Variants in JARID2 observed in about 807,000 individuals in gnomAD.
JARID2 encodes jumonji and AT-rich interaction domain containing 2.
Under a neutral mutation model 125.6 loss-of-function variants are expected in JARID2, and 21 were observed. The observed-to-expected ratio is 0.17, with a 90% CI of 0.12 to 0.24. JARID2 has a LOEUF of 0.24. Ranked by LOEUF, JARID2 falls within the 10% of genes least tolerant of loss-of-function variation. The pLI, the probability that JARID2 is intolerant of heterozygous loss-of-function variation, is 1.00. For missense variants in JARID2, 1,303 were observed against 1,639.6 expected (o/e 0.79, Z 3.55); for synonymous variants, 736 against 661.6 (o/e 1.11, Z -1.73).
intron 3 of JARID2, among the ~76,000 whole-genome samples, chr6:15,448,944 C>T (rs1581579568): frequency 6.6e-6 from 1 of 151,696 alleles, no homozygotes; most frequent in Non-Finnish European, 1.5e-5. Flanking sequence ...TGCTTTTTGC[C>T]CCCTTGTTCT....
chr6:15,517,384 G>A (rs185305264), intron 17 of JARID2, 116 bp downstream of exon 17: 121 of 725,438 alleles, frequency 1.7e-4, no homozygotes, highest in Admixed American at 5.2e-4. Context: ...TCAGGGCTCT[G>A]CAGGCCTGAG....
rs373920056 is a variant in JARID2, at chr6:15,482,387, A to G, written c.671-4920A>G. 8.5e-5 allele frequency among the ~76,000 whole-genome samples: 13 copies of G among 152,232 alleles called. No homozygotes were observed. In the East Asian group the frequency reaches 1.2e-3, roughly 14 times the overall value. ...TATTAATATCAGCTTTAATTCTCAT[A>G]TCTACCATATTAGAATTAAAAGTTA... On this transcript the variant is annotated intron_variant, in intron 5 of 17. Transcript: ENST00000341776.
At chr6:15,415,258 C>G (rs950022673) in intron 3 of JARID2, among the ~76,000 whole-genome samples, 2 of 152,252 alleles carry the variant, frequency 1.3e-5, no homozygotes, top group Admixed American at 6.5e-5. Flanking sequence ...CAATCCCTTC[C>G]CCACCTTTCC....
intron 1 of JARID2, among the ~76,000 whole-genome samples, chr6:15,302,696 A>G (rs1680359906): frequency 6.6e-6 from 1 of 152,064 alleles, no homozygotes; most frequent in Non-Finnish European, 1.5e-5. Context: ...CTCATTTTGT[A>G]TCTGTTTATT....
Position 15,433,291 on chromosome 6 carries a change from TC to T in JARID2, c.324-18714del, listed in dbSNP as rs377079885. On this transcript the variant is annotated intron_variant, in intron 3 of 17. Coordinates refer to ENST00000341776, the MANE Select transcript of JARID2 (RefSeq NM_004973.4). ...CCAAATGTTTCCTTCCTCAGCTTGTTCATCTGCCTTGTGCAGAGAAAGAAAA... is the reference window on the plus strand; with the variant it reads ...CCAAATGTTTCCTTCCTCAGCTTGTTATCTGCCTTGTGCAGAGAAAGAAAA... Among the ~76,000 whole-genome samples the T allele has an allele frequency of 2.4e-3, 358 of 152,320 alleles. 1 individual carries two copies. The highest frequency in any genetic ancestry group is 7.8e-3 in the African/African-American group (324 of 41,548).
chr6:15,498,269 C>G (rs778265097), intron 7 of JARID2, among the ~76,000 whole-genome samples: 9 of 152,094 alleles, frequency 5.9e-5, no homozygotes, highest in African/African-American at 2.2e-4. Flanking sequence ...TTTCTGAGAC[C>G]TTTTTTCTGA....
At chr6:15,253,067 A>AT (rs1197926158) in intron 1 of JARID2, among the ~76,000 whole-genome samples, 306 of 142,412 alleles carry the variant, frequency 2.1e-3, no homozygotes, top group African/African-American at 6.5e-3. Context: ...TTTAATAAGG[A>AT]TTTTTTTTTT....
intron 3 of JARID2, among the ~76,000 whole-genome samples, chr6:15,424,681 A>C (rs1561854200): frequency 6.6e-6 from 1 of 152,018 alleles, no homozygotes. Context: ...AACATGGAGA[A>C]CCCCTGCCTC....
chr6:15,487,103 T>C (rs1769908716), intron 5 of JARID2, among the ~76,000 whole-genome samples: 1 of 152,074 alleles, frequency 6.6e-6, no homozygotes, highest in South Asian at 2.1e-4. Context: ...TCAGATCTCA[T>C]GAGAACGCAC....
intron 1 of JARID2, among the ~76,000 whole-genome samples, chr6:15,255,173 C>G (rs1759615372): frequency 7.4e-6 from 1 of 135,632 alleles, no homozygotes; most frequent in Admixed American, 8.0e-5. Flanking sequence ...ACGAGTCTCA[C>G]TTTGTTGCCA....
chr6:15,501,151 G>A lies in JARID2; in HGVS notation c.2190G>A (p.Leu730=). 9 of 1,614,092 alleles carry A rather than the reference G, an allele frequency of 5.6e-6. No homozygotes were observed. The highest frequency in any genetic ancestry group is 7.6e-6 in the Non-Finnish European group (9 of 1,180,020). ...AGGTGCTGATGGAGAAGGAGATCCT[G>A]GAGAAGCGCAAGGGGCCGCTGGAAG... is the stretch of plus-strand genomic sequence containing the variant. ...EKEVLMEKEI[L]EKRKGPLEGH... Residue 730 remains leucine (L), a synonymous_variant, in exon 8 of 18, where the codon CTG becomes CTA. Transcript: ENST00000341776.
In JARID2 at chr6:15,258,554, C is replaced by G. The variant is rs188793431; in HGVS notation, c.45+11970C>G. Among the ~76,000 whole-genome samples, 7 of 152,230 alleles carry G rather than the reference C, an allele frequency of 4.6e-5. No individual in the cohort carries two copies. In the East Asian group the frequency reaches 1.4e-3, roughly 29 times the overall value. Reference sequence around the variant, plus strand: ...ATCCCAGCACTTTGGGAGGCCAAGGCGGGCGGATCACAAGGTCAGGAGTTT... The same window carrying G: ...ATCCCAGCACTTTGGGAGGCCAAGGGGGGCGGATCACAAGGTCAGGAGTTT... On this transcript the variant is annotated intron_variant, in intron 1 of 17. Transcript: ENST00000341776.
intron 5 of JARID2, among the ~76,000 whole-genome samples, chr6:15,469,921 G>A (rs1768988148): frequency 6.6e-6 from 1 of 152,124 alleles, no homozygotes; most frequent in Admixed American, 6.5e-5. Flanking sequence ...GCTCACACCT[G>A]TAATCCCAGG....
intron 5 of JARID2, among the ~76,000 whole-genome samples, chr6:15,477,929 C>T (rs1203778485): frequency 6.6e-6 from 1 of 152,152 alleles, no homozygotes; most frequent in Non-Finnish European, 1.5e-5. Context: ...AGCCATTACC[C>T]TTGAGTGTTG....
chr6:15,487,877 T>C (rs1581633442), intron 6 of JARID2, among the ~76,000 whole-genome samples: 1 of 125,188 alleles, frequency 8.0e-6, no homozygotes, highest in Non-Finnish European at 1.6e-5. Flanking sequence ...TCAGGGTAGG[T>C]TTTGAAACAC....
rs552718506 is a variant in JARID2, at chr6:15,475,472, T to C, written c.670+6754T>C. 1.8e-3 allele frequency among the ~76,000 whole-genome samples: 281 copies of C among 152,318 alleles called. 1 individual carries two copies. The highest frequency in any genetic ancestry group is 2.9e-3 in the Non-Finnish European group (196 of 68,024). Reference sequence around the variant, plus strand: ...GGAACTGCCAGGGAGGCCCAGGTCCTCGCTTCGCCGTGCAACTAGCATTTT... The same window carrying C: ...GGAACTGCCAGGGAGGCCCAGGTCCCCGCTTCGCCGTGCAACTAGCATTTT... On this transcript the variant is annotated intron_variant, in intron 5 of 17. Coordinates refer to ENST00000341776, the MANE Select transcript of JARID2 (RefSeq NM_004973.4).
At chr6:15,477,653 A>G (rs1479483101) in intron 5 of JARID2, among the ~76,000 whole-genome samples, 4 of 152,092 alleles carry the variant, frequency 2.6e-5, no homozygotes, top group Non-Finnish European at 5.9e-5. Context: ...TGATTACAGC[A>G]CTGACACACT....
At chr6:15,393,514 C>A (rs1044879078) in intron 2 of JARID2, among the ~76,000 whole-genome samples, 1 of 152,154 alleles carries the variant, frequency 6.6e-6, no homozygotes, top group Non-Finnish European at 1.5e-5. Flanking sequence ...TTTAAAATTG[C>A]CTTTCACCAT....
At chr6:15,465,719 A>AT (rs2127670491) in intron 4 of JARID2, among the ~76,000 whole-genome samples, 1 of 152,022 alleles carries the variant, frequency 6.6e-6, no homozygotes, top group South Asian at 2.1e-4. Context: ...CTTCACATGG[A>AT]TTTTTACCTG....
Sources: allele counts gnomAD v4.1 joint callset (sites outside exome capture counted in the v4.1 genomes callset), GRCh38; gene constraint gnomAD v4.1.1; transcripts MANE v1.5; gene names NCBI Gene and HGNC (gene_info 2026-07-23, HGNC 2026-07-21).